The following VEGFA variants were observed in gnomAD, a reference collection of about 807,000 sequenced individuals.
VEGFA encodes the protein vascular endothelial growth factor A, also known as vascular endothelial growth factor A, long form.
A neutral mutation model predicts 49.7 loss-of-function variants in VEGFA; 20 were observed. The ratio of observed to expected loss-of-function variants is 0.40; its 90% CI spans 0.28 to 0.58. VEGFA has a LOEUF of 0.58. Among genes scored for constraint, VEGFA ranks in the 20% least tolerant of loss-of-function variants. The pLI is 0.40. For synonymous variants in VEGFA, 219 were observed against 223.4 expected, an observed-to-expected ratio of 0.98 and a Z score of 0.18; for missense variants, 505 against 553.5, an observed-to-expected ratio of 0.91 and a Z score of 0.88.
In VEGFA at chr6:43,777,277, C is replaced by T. The variant is rs1018329022; in HGVS notation, c.659-192C>T. 4 of 675,428 alleles carry T rather than the reference C, an allele frequency of 5.9e-6. No individual in the cohort carries two copies. The African/African-American group carries it at 7.1e-5, about 12-fold the overall frequency. The allele number at this position is 675,428 out of a possible 1,614,324, so 41.8% of individuals were successfully genotyped here. A position where few individuals can be genotyped will look rare whatever the true frequency, so the allele number is the denominator to read the frequency against. On this transcript the variant is annotated intron_variant, in intron 2 of 7. Transcript: ENST00000672860. The surrounding 1 kb of genome is among the most constrained non-coding windows in gnomAD (Gnocchi z 4.3). Reference sequence around the variant, plus strand: ...GTGTGATCTCTGGAATGAAAACAGGCCTTCACCAGTGTTGATGGTGGAAAG... The same window carrying T: ...GTGTGATCTCTGGAATGAAAACAGGTCTTCACCAGTGTTGATGGTGGAAAG...
chr6:43,781,843 C>A, intron 6 of VEGFA, 113 bp from the exon 7 acceptor site: 1 of 1,431,166 alleles, frequency 7.0e-7, no homozygotes, highest in Non-Finnish European at 9.6e-7. Context: ...GGGGGCTGAC[C>A]GGCTGGGTGG....
In VEGFA at chr6:43,770,740, C is replaced by CCCAG. The variant is rs749743904; in HGVS notation, c.36_39dup (p.Tyr14GlnfsTer72). 9.2e-6 allele frequency: 14 copies of CCCAG among 1,527,528 alleles called. No individual in the cohort carries two copies. Among genetic ancestry groups the CCCAG allele is most frequent in the Non-Finnish European group, 1.2e-5 (14 of 1,147,586 alleles). 94.6% of individuals were successfully genotyped at this position (1,527,528 alleles called of 1,614,324 possible). ...CAGACAGACAGACACCGCCCCCAGCCCCAGCTACCACCTCCTCCCCGGCCG... is the reference window on the plus strand; with the variant it reads ...CAGACAGACAGACACCGCCCCCAGCCCCAGCCAGCTACCACCTCCTCCCCGGCCG... On this transcript the variant is annotated frameshift_variant, in exon 1 of 8. Transcript: ENST00000672860. LOFTEE classifies it high-confidence loss of function.
chr6:43,772,418 C>T lies in VEGFA; in HGVS notation c.606+1106C>T, dbSNP rs142062709. ...TGGTGACAGTGTGCTTCCCTTCCCT[C>T]GCCAACAGTTCCGAGTGAGCTGTGC... On this transcript the variant is annotated intron_variant, in intron 1 of 7. Transcript: ENST00000672860. Among the ~76,000 whole-genome samples the T allele has an allele frequency of 3.7e-3, 559 of 152,298 alleles. 5 individuals carry two copies. The highest frequency in any genetic ancestry group is 0.013 in the African/African-American group (536 of 41,558).
Position 43,771,290 on chromosome 6 carries a change from T to C in VEGFA, c.584T>C (p.Leu195Pro). The stretch of plus-strand genomic sequence containing the variant: ...TGGGTGCATTGGAGCCTTGCCTTGC[T>C]GCTCTACCTCCACCATGCCAAGGTA... Residue 195 changes from leucine (L) to proline (P), a missense_variant, in exon 1 of 8, where the codon CTG becomes CCG. Physicochemically the swap from Leu to Pro is moderately conservative, Grantham distance 98 (BLOSUM62 -3). Coordinates refer to ENST00000672860, the MANE Select transcript of VEGFA (RefSeq NM_003376.6). The C allele has an allele frequency of 6.2e-7, 1 of 1,606,036 alleles. No homozygotes were observed. The highest frequency in any genetic ancestry group is 1.1e-5 in the South Asian group (1 of 90,582).
Position 43,777,555 on chromosome 6 carries a change from A to T in VEGFA, c.745A>T (p.Ile249Phe), listed in dbSNP as rs777797068. ...CATCTTCCAGGAGTACCCTGATGAG[A>T]TCGAGTACATCTTCAAGCCATCCTG... Residue 249 changes from isoleucine to phenylalanine, a missense_variant, in exon 3 of 8, where the codon ATC becomes TTC. This residue lies in a region of VEGFA where 165 missense variants were observed against 231.7 expected (regional missense o/e 0.71). Coordinates refer to ENST00000672860, the MANE Select transcript of VEGFA (RefSeq NM_003376.6). The surrounding 1 kb of genome is among the most constrained non-coding windows in gnomAD (Gnocchi z 4.3). The T allele has an allele frequency of 1.2e-6, 2 of 1,614,020 alleles. No individual in the cohort carries two copies. Among genetic ancestry groups the T allele is most frequent in the Non-Finnish European group, 1.7e-6 (2 of 1,180,034 alleles).
Position 43,786,135 on chromosome 6 carries a change from A to G in VEGFA, c.*1573A>G, listed in dbSNP as rs1258090828. The G allele has an allele frequency of 1.1e-5, 2 of 178,864 alleles. No homozygotes were observed. The highest frequency in any genetic ancestry group is 1.9e-4 in the East Asian group (2 of 10,276). 11.1% of individuals were successfully genotyped at this position (178,864 alleles called of 1,614,324 possible). A position where few individuals can be genotyped will look rare whatever the true frequency, so the allele number is the denominator to read the frequency against. ...ACTATATATATATTTGGCAACTTGT[A>G]TTTGTGTGTATATATATATATATAT... On this transcript the variant is annotated 3_prime_UTR_variant, in exon 8 of 8. Transcript: ENST00000672860.
At chr6:43,784,462 G>C (rs1769060411) in intron 7 of VEGFA, 79 bp from the exon 8 acceptor site, 2 of 1,463,998 alleles carry the variant, frequency 1.4e-6, no homozygotes, top group Admixed American at 3.3e-5. Flanking sequence ...GGGCCCCCAG[G>C]AATGGGGAGG....
intron 5 of VEGFA, chr6:43,780,329 A>T (rs1767058084): frequency 9.3e-6 from 3 of 322,782 alleles, no homozygotes; most frequent in Admixed American, 4.1e-5. Flanking sequence ...TCACCCCCGG[A>T]CCTTCAGGGT....
intron 2 of VEGFA, chr6:43,775,629 C>T (rs1765149002): frequency 6.6e-6 from 1 of 152,274 alleles, no homozygotes; most frequent in Non-Finnish European, 1.5e-5. Context: ...CCTGGCCCTC[C>T]TCTGTCCCAA....
At chr6:43,779,664 A>G (rs890201975) in intron 5 of VEGFA, 5 of 466,192 alleles carry the variant, frequency 1.1e-5, no homozygotes, top group African/African-American at 6.0e-5. Context: ...AGCCCCCACC[A>G]GGCCTCAACC....
rs182317842 is a variant in VEGFA at position 43,785,627 on chromosome 6, C to G, written c.*1065C>G. On this transcript the variant is annotated 3_prime_UTR_variant, in exon 8 of 8. Coordinates refer to ENST00000672860, the MANE Select transcript of VEGFA (RefSeq NM_003376.6). Reference sequence around the variant, plus strand: ...GACCTATGTCCTCACACCATTGAAACCACTAGTTCTGTCCCCCCAGGAGAC... The same window carrying G: ...GACCTATGTCCTCACACCATTGAAAGCACTAGTTCTGTCCCCCCAGGAGAC... 1 of 203,514 alleles carries G rather than the reference C, an allele frequency of 4.9e-6. No individual in the cohort carries two copies. The highest frequency in any genetic ancestry group is 1.0e-5 in the Non-Finnish European group (1 of 99,192). The allele number at this position is 203,514 out of a possible 1,614,324, so 12.6% of individuals were successfully genotyped here.
intron 2 of VEGFA, 52 bp downstream of exon 2, chr6:43,774,444 T>G: frequency 1.3e-6 from 2 of 1,595,446 alleles, no homozygotes; most frequent in Non-Finnish European, 1.7e-6. Context: ...AGGGGATGGG[T>G]GGATGGCCTA....
At chr6:43,779,774 T>G (rs1766775008) in intron 5 of VEGFA, 1 of 455,902 alleles carries the variant, frequency 2.2e-6, no homozygotes. Context: ...AGACTTGCCC[T>G]CTCTGGTCCC....
chr6:43,770,794 C>A lies in VEGFA; in HGVS notation c.88C>A (p.Arg30Ser). ...GCGGACAGTGGACGCGGCGGCGAGCCGCGGGCAGGGGCCGGAGCCCGCGCC... is the reference window on the plus strand; with the variant it reads ...GCGGACAGTGGACGCGGCGGCGAGCAGCGGGCAGGGGCCGGAGCCCGCGCC... The change falls in exon 1 of 8, where the codon CGC (arginine) becomes AGC (serine). Residue 30 changes from arginine (R) to serine (S), a missense_variant. Transcript: ENST00000672860. 3 of 1,487,154 alleles carry A rather than the reference C, an allele frequency of 2.0e-6. No homozygotes were observed. The highest frequency in any genetic ancestry group is 2.7e-6 in the Non-Finnish European group (3 of 1,122,768). 92.1% of individuals were successfully genotyped at this position (1,487,154 alleles called of 1,614,324 possible). A position where few individuals can be genotyped will look rare whatever the true frequency, so the allele number is the denominator to read the frequency against.
Position 43,771,123 on chromosome 6 carries a change from G to T in VEGFA, c.417G>T (p.Leu139=), listed in dbSNP as rs1184149422. 1 of 1,488,464 alleles carries T rather than the reference G, an allele frequency of 6.7e-7. No homozygotes were observed. The highest frequency in any genetic ancestry group is 8.9e-7 in the Non-Finnish European group (1 of 1,124,272). The allele number at this position is 1,488,464 out of a possible 1,614,324, so 92.2% of individuals were successfully genotyped here. Reference sequence around the variant, plus strand: ...CAGCCGCGCGCGCTCCCCAGGCCCTGGCCCGGGCCTCGGGCCGGGGAGGAA... The same window carrying T: ...CAGCCGCGCGCGCTCCCCAGGCCCTTGCCCGGGCCTCGGGCCGGGGAGGAA... Residue 139 remains leucine, a synonymous_variant, in exon 1 of 8, where the codon CTG becomes CTT. Coordinates refer to ENST00000672860, the MANE Select transcript of VEGFA (RefSeq NM_003376.6).
chr6:43,771,381 C>A, intron 1 of VEGFA, 69 bp downstream of exon 1: 1 of 1,516,016 alleles, frequency 6.6e-7, no homozygotes, highest in Non-Finnish European at 8.9e-7. Context: ...GACGTGCGTG[C>A]GAGCGCGCGC....
In VEGFA at chr6:43,770,443, T is replaced by C. The variant is rs1278282180; in HGVS notation, c.-264T>C. On this transcript the variant is annotated 5_prime_UTR_variant, in exon 1 of 8. Transcript: ENST00000672860. Reference sequence around the variant, plus strand: ...GTTTTAATTTATTTTTGCTTGCCATTCCCCACTTGAATCGGGCCGACGGCT... The same window carrying C: ...GTTTTAATTTATTTTTGCTTGCCATCCCCCACTTGAATCGGGCCGACGGCT... The C allele has an allele frequency of 1.9e-6, 1 of 522,230 alleles. No individual in the cohort carries two copies. The highest frequency in any genetic ancestry group is 4.4e-5 in the Admixed American group (1 of 22,588). 32.3% of individuals were successfully genotyped at this position (522,230 alleles called of 1,614,324 possible).
intron 6 of VEGFA, chr6:43,781,076 C>A: frequency 1.4e-6 from 1 of 717,162 alleles, no homozygotes; most frequent in Non-Finnish European, 2.3e-6. Flanking sequence ...GGCTGGGCAC[C>A]GATTTTCTCT....
intron 7 of VEGFA, chr6:43,782,381 G>C: frequency 2.3e-6 from 1 of 426,440 alleles, no homozygotes; most frequent in South Asian, 2.0e-5. Flanking sequence ...GCTGTGTGTT[G>C]TGTCCTGTGG....
Sources: gnomAD v4.1 joint callset for allele counts (sites outside exome capture counted in the v4.1 genomes callset) on GRCh38, gnomAD v4.1.1 for gene constraint, gnomAD v4.1.1 regional missense constraint, Gnocchi (gnomAD v3.1) non-coding constraint, MANE v1.5 for transcripts, NCBI Gene and HGNC (gene_info 2026-07-23, HGNC 2026-07-21) for gene names.